Variants in LRP6 observed in about 807,000 individuals in gnomAD.
The protein encoded by LRP6 is low-density lipoprotein receptor-related protein 6.
LRP6 carries 43 observed loss-of-function variants against 184.1 expected under a neutral mutation model. The observed-to-expected ratio is 0.23, with a 90% CI of 0.18 to 0.30. The LOEUF (loss-of-function observed/expected upper bound fraction) is 0.30. LRP6 is among the 10% of genes least tolerant of loss of function. The pLI is 1.00. For missense variants in LRP6, 1,571 were observed against 2,005.3 expected (o/e 0.78, Z 4.14); for synonymous variants, 719 against 684.9 (o/e 1.05, Z -0.78).
chr12:12,254,162 A>AAAAAAG (rs1565721161), intron 1 of LRP6, among the ~76,000 whole-genome samples: 8 of 134,934 alleles, frequency 5.9e-5, no homozygotes, highest in Non-Finnish European at 9.8e-5. Context: ...AAAAAAAAAA[A>AAAAAAG]AAAGAAAGAA....
chr12:12,219,209 T>C (rs1185183766), intron 2 of LRP6, among the ~76,000 whole-genome samples: 1 of 152,172 alleles, frequency 6.6e-6, no homozygotes, highest in Non-Finnish European at 1.5e-5. Flanking sequence ...TTTTGGTTTT[T>C]GTTTGTTTGT....
chr12:12,222,103 GA>G (rs1864504297), intron 2 of LRP6, among the ~76,000 whole-genome samples: 1 of 152,136 alleles, frequency 6.6e-6, no homozygotes. Context: ...TGGGAAGGGG[GA>G]TTTGAAAAGT....
rs1863413893 is a variant in LRP6 at position 12,184,234 on chromosome 12, T to TAG, written c.845-124_845-123insCT. 9.0e-5 allele frequency: 69 copies of TAG among 767,676 alleles called. 2 individuals are homozygous for TAG. The Admixed American group carries it at 1.1e-3, about 12-fold the overall frequency. The allele number at this position is 767,676 out of a possible 1,614,324, so 47.6% of individuals were successfully genotyped here. A position where few individuals can be genotyped will look rare whatever the true frequency, so the allele number is the denominator to read the frequency against. Reference sequence around the variant, plus strand: ...ACCAAATGTCATGCAGGTGCTTGACTATCAAACCATCTGCAAAGACAGGAA... The same window carrying TAG: ...ACCAAATGTCATGCAGGTGCTTGACTAGATCAAACCATCTGCAAAGACAGGAA... On this transcript the variant is annotated intron_variant, in intron 4 of 22. Coordinates refer to ENST00000261349, the MANE Select transcript of LRP6 (RefSeq NM_002336.3).
Position 12,150,730 on chromosome 12 carries a change from A to T in LRP6, c.2994+106T>A. The T allele has an allele frequency of 2.6e-6, 3 of 1,168,892 alleles. No individual in the cohort carries two copies. The East Asian group carries it at 7.0e-5, about 27-fold the overall frequency. The allele number at this position is 1,168,892 out of a possible 1,614,324, so 72.4% of individuals were successfully genotyped here. On this transcript the variant is annotated intron_variant, in intron 13 of 22. Coordinates refer to ENST00000261349, the MANE Select transcript of LRP6 (RefSeq NM_002336.3). Reference sequence around the variant, plus strand: ...GGTCCAGAATTTCAGTTTCATACACACATACACACACACTTAAGCAGAGTC... The same window carrying T: ...GGTCCAGAATTTCAGTTTCATACACTCATACACACACACTTAAGCAGAGTC...
At chr12:12,158,125 C>T (rs375472729) in intron 12 of LRP6, among the ~76,000 whole-genome samples, 12 of 152,272 alleles carry the variant, frequency 7.9e-5, no homozygotes, top group East Asian at 1.9e-4. Context: ...TGTTCTCATA[C>T]GCGTTTTCTG....
chr12:12,162,543 C>T, intron 9 of LRP6, 124 bp from the exon 10 acceptor site: 1 of 766,786 alleles, frequency 1.3e-6, no homozygotes, highest in South Asian at 1.5e-5. Context: ...ATACTATTTC[C>T]TATTAAAATT....
intron 15 of LRP6, chr12:12,138,806 T>C (rs1949885698): frequency 1.4e-6 from 2 of 1,441,048 alleles, no homozygotes; most frequent in African/African-American, 1.4e-5. Context: ...GAACAGTAGT[T>C]TGAAAAACCC....
Position 12,159,945 on chromosome 12 carries a change from A to G in LRP6, c.2299T>C (p.Trp767Arg). 6.2e-7 allele frequency: 1 copy of G among 1,611,870 alleles called. No individual in the cohort carries two copies. The highest frequency in any genetic ancestry group is 8.5e-7 in the Non-Finnish European group (1 of 1,178,488). The change falls in exon 11 of 23, where the codon TGG (tryptophan) becomes CGG (arginine). Residue 767 changes from tryptophan (W) to arginine (R), a missense_variant. Transcript: ENST00000261349. ...PAEGFMYWTE[W>R]GGKPKIDRAA... ...CTGTCTATCTTAGGTTTTCCACCCC[A>G]TTCAGTCCAATACATAAATCTAAAT...
Position 12,117,616 on chromosome 12 carries a change from T to G in LRP6, c.*3510A>C, listed in dbSNP as rs1370193975. The G allele has an allele frequency of 6.6e-6, 1 of 152,248 alleles. No homozygotes were observed. The highest frequency in any genetic ancestry group is 1.5e-5 in the Non-Finnish European group (1 of 68,036). The allele number at this position is 152,248 out of a possible 1,614,324, so 9.4% of individuals were successfully genotyped here. ...CCTGTTTACTGCATAGAAGTAGGCG[T>G]GCTTAACGCATACCTCTTCAGTCTC... On this transcript the variant is annotated 3_prime_UTR_variant, in exon 23 of 23. Transcript: ENST00000261349.
chr12:12,203,935 T>C (rs747166880), intron 2 of LRP6, among the ~76,000 whole-genome samples: 14 of 152,188 alleles, frequency 9.2e-5, no homozygotes, highest in Non-Finnish European at 2.1e-4. Flanking sequence ...AATCAAAATG[T>C]ATTGGTAAAA....
intron 3 of LRP6, among the ~76,000 whole-genome samples, chr12:12,202,968 T>A (rs1863954862): frequency 6.6e-6 from 1 of 152,222 alleles, no homozygotes; most frequent in East Asian, 1.9e-4. Context: ...AAGAACTAAG[T>A]TAGCTCAGAG....
chr12:12,241,263 C>A (rs1238257658), intron 2 of LRP6, among the ~76,000 whole-genome samples: 1 of 152,154 alleles, frequency 6.6e-6, no homozygotes. Flanking sequence ...GCACTGTTTT[C>A]ATGTACTTTG....
intron 2 of LRP6, among the ~76,000 whole-genome samples, chr12:12,211,463 G>T (rs1864209085): frequency 6.6e-6 from 1 of 152,144 alleles, no homozygotes; most frequent in South Asian, 2.1e-4. Context: ...GTCTGGAATG[G>T]AATTAGATAG....
At position 12,137,503 on chromosome 12, in the gene LRP6, G is replaced by T. The variant is rs1265252158; in HGVS notation, c.3607+822C>A. Among the ~76,000 whole-genome samples, 7 of 152,120 alleles carry T rather than the reference G, an allele frequency of 4.6e-5. No homozygotes were observed. In the South Asian group the frequency reaches 1.5e-3, roughly 32 times the overall value. The stretch of plus-strand genomic sequence containing the variant: ...GGAATTGAAATATTTATCCCAAAGG[G>T]GGGGAAAAAAACCAAGCACCTACTA... On this transcript the variant is annotated intron_variant, in intron 16 of 22. Transcript: ENST00000261349.
chr12:12,213,378 T>G (rs911438899), intron 2 of LRP6, among the ~76,000 whole-genome samples: 2 of 152,100 alleles, frequency 1.3e-5, no homozygotes, highest in African/African-American at 4.8e-5. Context: ...ACATTTACTA[T>G]TTTTTTCAGT....
intron 15 of LRP6, 81 bp from the exon 16 acceptor site, chr12:12,138,615 T>G (rs750030608): frequency 1.9e-5 from 26 of 1,349,686 alleles, no homozygotes; most frequent in Non-Finnish European, 2.8e-5. Context: ...GACTACCAGT[T>G]AGATTCTACA....
Position 12,141,223 on chromosome 12 carries a change from AAAAGG to A in LRP6, c.3398-2694_3398-2690del, listed in dbSNP as rs1051573565. On this transcript the variant is annotated intron_variant, in intron 15 of 22. Coordinates refer to ENST00000261349, the MANE Select transcript of LRP6 (RefSeq NM_002336.3). ...GGGGAGGGAGAGTGGAGAGAAAGAAAAAAGGAAAGAAGGGAGGAATCAAACAAAGG... is the reference window on the plus strand; with the variant it reads ...GGGGAGGGAGAGTGGAGAGAAAGAAAAAAGAAGGGAGGAATCAAACAAAGG... 1.6e-3 allele frequency among the ~76,000 whole-genome samples: 249 copies of A among 152,102 alleles called. 1 individual carries two copies. The highest frequency in any genetic ancestry group is 5.6e-3 in the African/African-American group (233 of 41,504).
chr12:12,207,109 T>C (rs1364095721), intron 2 of LRP6, among the ~76,000 whole-genome samples: 1 of 152,172 alleles, frequency 6.6e-6, no homozygotes, highest in Non-Finnish European at 1.5e-5. Flanking sequence ...GCATAAACAT[T>C]CTACTGTGGG....
Position 12,159,066 on chromosome 12 carries a change from G to A in LRP6, c.2554C>T (p.Arg852Ter), listed in dbSNP as rs749629256. Residue 852 changes from arginine to a stop codon, truncating the protein, a stop_gained, in exon 12 of 23, where the codon CGA (arginine) becomes TGA (stop). Transcript: ENST00000261349. LOFTEE classifies it high-confidence loss of function. ...TTGTTGGCACGCTCAATGCTGCGTC[G>A]GCTCCAGTCCGTCCAGTAGATATAA... ...QDYIYWTDWSRRSIERANKTS... is the reference protein window; with the variant it reads ...QDYIYWTDWS 6.2e-7 allele frequency: 1 copy of A among 1,614,104 alleles called. No homozygotes were observed.
Sources: gnomAD v4.1 joint callset for allele counts (sites outside exome capture counted in the v4.1 genomes callset) on GRCh38, gnomAD v4.1.1 for gene constraint, MANE v1.5 for transcripts, NCBI Gene and HGNC (gene_info 2026-07-23, HGNC 2026-07-21) for gene names.